The following CD200R1L variants were observed in gnomAD, a reference collection of about 807,000 sequenced individuals.
The protein encoded by CD200R1L is CD200 receptor 1 like.
Under a neutral mutation model 24.8 loss-of-function variants are expected in CD200R1L, and 14 were observed. The observed-to-expected ratio is 0.56, with a 90% CI of 0.37 to 0.88. The LOEUF (loss-of-function observed/expected upper bound fraction) is 0.88. Among genes scored for constraint, CD200R1L ranks in the 40% least tolerant of loss-of-function variants. CD200R1L has a pLI of 0.00. For missense variants in CD200R1L, 299 were observed against 297.8 expected, an observed-to-expected ratio of 1.00 and a Z score of -0.03; for synonymous variants, 111 against 109.2, an observed-to-expected ratio of 1.02 and a Z score of -0.11.
chr3:112,845,343 A>C (rs1459110907), intron 2 of CD200R1L, among the ~76,000 whole-genome samples: 1 of 152,222 alleles, frequency 6.6e-6, no homozygotes, highest in African/African-American at 2.4e-5. Flanking sequence ...ATCAGGAGAA[A>C]TTGAAACCCT....
intron 7 of CD200R1L, among the ~76,000 whole-genome samples, chr3:112,817,508 G>C (rs9834949): frequency 1 from 152,179 of 152,302 alleles, 76,029 homozygotes; most frequent in Middle Eastern, 1. Context: ...CCTCTATTCT[G>C]TCTCCCTGTT....
intron 7 of CD200R1L, 48 bp downstream of exon 7, chr3:112,819,724 C>CT (rs35585943): frequency 4.9e-4 from 709 of 1,451,494 alleles, no homozygotes; most frequent in South Asian, 1.6e-3. Flanking sequence ...TACAATGATA[C>CT]TTTTTTTTTT....
chr3:112,829,324 G>C lies in CD200R1L; in HGVS notation c.44C>G (p.Ala15Gly), dbSNP rs368154353. 6.8e-6 allele frequency: 11 copies of C among 1,613,256 alleles called. No homozygotes were observed. The highest frequency in any genetic ancestry group is 1.7e-5 in the Admixed American group (1 of 60,024). Residue 15 changes from alanine to glycine, a missense_variant, in exon 4 of 8, where the codon GCA becomes GGA. Physicochemically the swap from Ala to Gly is moderately conservative, Grantham distance 60. Transcript: ENST00000488794. ...QMTQNYSTIF[A>G]EGNISQPVLM... ...CTACTAAGGGAGCATATTACCTTCT[G>C]CAAAAATTGTTGAATAGTTCTGTGT...
intron 6 of CD200R1L, 81 bp downstream of exon 6, chr3:112,826,912 T>G (rs1207034266): frequency 2.0e-6 from 3 of 1,480,668 alleles, no homozygotes; most frequent in Non-Finnish European, 2.7e-6. Context: ...TTTTCTTACC[T>G]GCTGTTTGGT....
chr3:112,841,257 C>G (rs73225776), intron 2 of CD200R1L: 1 of 449,940 alleles, frequency 2.2e-6, no homozygotes, highest in Non-Finnish European at 4.5e-6. Flanking sequence ...CTTCTGCTGG[C>G]CATTTGAAGA....
intron 7 of CD200R1L, among the ~76,000 whole-genome samples, chr3:112,816,673 C>T (rs907217608): frequency 6.6e-6 from 1 of 152,114 alleles, no homozygotes; most frequent in Non-Finnish European, 1.5e-5. Context: ...ATTGTAGCTC[C>T]CATAATTCCC....
intron 6 of CD200R1L, among the ~76,000 whole-genome samples, chr3:112,821,974 A>G (rs555788377): frequency 7.2e-5 from 11 of 152,238 alleles, no homozygotes; most frequent in Non-Finnish European, 1.2e-4. Flanking sequence ...GAGTTTACCT[A>G]AGTCATATTT....
chr3:112,829,675 C>T (rs1490183006), intron 3 of CD200R1L: 1 of 327,830 alleles, frequency 3.1e-6, no homozygotes, highest in East Asian at 1.7e-4. Flanking sequence ...CCTATTCCTC[C>T]TTCCCCAACC....
At chr3:112,825,226 G>A (rs1304265549) in intron 6 of CD200R1L, among the ~76,000 whole-genome samples, 23 of 149,322 alleles carry the variant, frequency 1.5e-4, no homozygotes, top group Admixed American at 1.5e-3. Flanking sequence ...GCGACAGAGC[G>A]AGACTCTGTC....
intron 4 of CD200R1L, 145 bp downstream of exon 4, chr3:112,829,174 A>G: frequency 3.3e-6 from 2 of 602,428 alleles, no homozygotes; most frequent in Non-Finnish European, 3.0e-6. Flanking sequence ...TGGGACATTC[A>G]GGGTCCTTCG....
rs374030489 is a variant in CD200R1L, at chr3:112,837,802, G to A, written c.-18+140C>T. On this transcript the variant is annotated intron_variant, in intron 3 of 7. Transcript: ENST00000488794. ...GTTGTTGAATTAAATTGAATAAGTC[G>A]GTCCTTGCTTGGTCTTCAAGCAATA... is the stretch of plus-strand genomic sequence containing the variant. 239 of 172,488 alleles carry A rather than the reference G, an allele frequency of 1.4e-3. 6 individuals are homozygous for A. In the South Asian group the frequency reaches 0.029, roughly 21 times the overall value. 10.7% of individuals were successfully genotyped at this position (172,488 alleles called of 1,614,324 possible).
chr3:112,833,352 G>T (rs1309867619), intron 3 of CD200R1L, among the ~76,000 whole-genome samples: 3 of 152,190 alleles, frequency 2.0e-5, no homozygotes, highest in Non-Finnish European at 4.4e-5. Context: ...GAAATGTGGA[G>T]CCTCAGACAA....
At chr3:112,839,857 A>T (rs966700840) in intron 2 of CD200R1L, among the ~76,000 whole-genome samples, 1 of 152,198 alleles carries the variant, frequency 6.6e-6, no homozygotes, top group Non-Finnish European at 1.5e-5. Context: ...TTTTTCTTCA[A>T]CTAGTTGCCT....
chr3:112,817,681 T>C (rs1938430833), intron 7 of CD200R1L, among the ~76,000 whole-genome samples: 1 of 152,234 alleles, frequency 6.6e-6, no homozygotes, highest in African/African-American at 2.4e-5. Flanking sequence ...GTGAATACAC[T>C]GAGATGTAGG....
At chr3:112,823,114 G>A (rs2129941) in intron 6 of CD200R1L, among the ~76,000 whole-genome samples, 141,966 of 152,316 alleles carry the variant, frequency 0.93, 66,314 homozygotes, top group Admixed American at 0.96. Flanking sequence ...TATGTAAAAA[G>A]GGTATAATCC....
intron 2 of CD200R1L, among the ~76,000 whole-genome samples, chr3:112,839,152 A>C (rs1939026546): frequency 6.6e-6 from 1 of 152,208 alleles, no homozygotes; most frequent in African/African-American, 2.4e-5. Context: ...ACTGATACAG[A>C]TTTGGTACCA....
chr3:112,825,263 A>AG (rs1186398556), intron 6 of CD200R1L, among the ~76,000 whole-genome samples: 3 of 150,692 alleles, frequency 2.0e-5, no homozygotes, highest in East Asian at 1.9e-4. Context: ...AAAAAAAAAA[A>AG]AAAAAGAAAT....
At chr3:112,840,844 T>G (rs1939061148) in intron 2 of CD200R1L, among the ~76,000 whole-genome samples, 1 of 152,182 alleles carries the variant, frequency 6.6e-6, no homozygotes, top group Admixed American at 6.5e-5. Context: ...GGAAAAAATA[T>G]GCTGATTGTG....
At position 112,842,961 on chromosome 3, in the gene CD200R1L, C is replaced by G. The variant is rs563361058; in HGVS notation, c.-87+2718G>C. 5.8e-4 allele frequency among the ~76,000 whole-genome samples: 89 copies of G among 152,188 alleles called. 1 individual carries two copies. The highest frequency in any genetic ancestry group is 3.8e-3 in the Admixed American group (58 of 15,268). On this transcript the variant is annotated intron_variant, in intron 2 of 7. Coordinates refer to ENST00000488794, the MANE Select transcript of CD200R1L (RefSeq NM_001199215.3). ...CTTTGCCTTGTGATCTTTGTTGGAC[C>G]CTTATCAGTAGTTCTGCTTTTGCCT...
Sources: allele counts gnomAD v4.1 joint callset (sites outside exome capture counted in the v4.1 genomes callset), GRCh38; gene constraint gnomAD v4.1.1; transcripts MANE v1.5; gene names NCBI Gene and HGNC (gene_info 2026-07-23, HGNC 2026-07-21).